Variants in PAAF1 observed in about 807,000 individuals in gnomAD.
PAAF1 encodes proteasomal ATPase associated factor 1.
In PAAF1, 46 loss-of-function variants were observed where a neutral mutation model predicts 52.8. That is an observed-to-expected ratio of 0.87 (90% confidence interval 0.69 to 1.11). The LOEUF is 1.11. PAAF1 is among the 50% of genes most tolerant of loss of function. The pLI, the probability that PAAF1 is intolerant of heterozygous loss-of-function variation, is 0.00. For synonymous variants in PAAF1, 178 were observed against 172.8 expected, an observed-to-expected ratio of 1.03 and a Z score of -0.24; for missense variants, 424 against 477.4, an observed-to-expected ratio of 0.89 and a Z score of 1.04.
intron 6 of PAAF1, among the ~76,000 whole-genome samples, chr11:73,904,196 C>G (rs1949698661): frequency 6.6e-6 from 1 of 151,380 alleles, no homozygotes; most frequent in Non-Finnish European, 1.5e-5. Context: ...AATTAACAAG[C>G]AGAGGTAAGG....
chr11:73,899,013 C>G (rs1949515422), intron 4 of PAAF1, 133 bp from the exon 5 acceptor site: 1 of 639,186 alleles, frequency 1.6e-6, no homozygotes, highest in African/African-American at 1.8e-5. Flanking sequence ...ACATCAAACA[C>G]AAGTCCTTTT....
intron 3 of PAAF1, chr11:73,889,273 T>C (rs1406371163): frequency 1.6e-5 from 21 of 1,285,650 alleles, no homozygotes; most frequent in Non-Finnish European, 2.0e-5. Context: ...AACATTCATT[T>C]GTTTCCTAAC....
chr11:73,908,758 CTTG>C (rs1949846727), intron 6 of PAAF1, among the ~76,000 whole-genome samples: 2 of 151,728 alleles, frequency 1.3e-5, no homozygotes, highest in Non-Finnish European at 1.5e-5. Context: ...CTCCAAAGTT[CTTG>C]TTAAGGTGTC....
At position 73,931,042 on chromosome 11, in the gene PAAF1, T is replaced by C. The variant is rs1950451620; in HGVS notation, c.*3680T>C. The C allele has an allele frequency of 6.6e-6, 1 of 152,140 alleles. No homozygotes were observed. The allele number at this position is 152,140 out of a possible 1,614,324, so 9.4% of individuals were successfully genotyped here. ...TCCATATTGTATTTATAAGTCACAA[T>C]AGGACTTTGTGGCCCATAATTATAA... On this transcript the variant is annotated 3_prime_UTR_variant, in exon 12 of 12. Transcript: ENST00000310571.
chr11:73,893,731 C>CT (rs773387650), intron 4 of PAAF1, among the ~76,000 whole-genome samples: 90 of 108,114 alleles, frequency 8.3e-4, no homozygotes, highest in Non-Finnish European at 1.5e-3. Flanking sequence ...AAGTGAAACT[C>CT]TGTCTCCAAA....
At chr11:73,906,253 TTTTGTTTG>T (rs142630038) in intron 6 of PAAF1, among the ~76,000 whole-genome samples, 1 of 152,004 alleles carries the variant, frequency 6.6e-6, no homozygotes, top group Non-Finnish European at 1.5e-5. Context: ...TTTCGTTTAG[TTTTGTTTG>T]TTTGTTTGTT....
chr11:73,905,320 T>G (rs2135188623), intron 6 of PAAF1, among the ~76,000 whole-genome samples: 1 of 151,946 alleles, frequency 6.6e-6, no homozygotes, highest in East Asian at 1.9e-4. Context: ...GCCTCCTGGG[T>G]TCAAGTGATT....
intron 10 of PAAF1, chr11:73,922,304 G>C: frequency 2.2e-6 from 1 of 464,206 alleles, no homozygotes; most frequent in Non-Finnish European, 4.0e-6. Flanking sequence ...AAAGGCAAAG[G>C]GAGTAAGATT....
Position 73,930,799 on chromosome 11 carries a change from ATG to A in PAAF1, c.*3439_*3440del, listed in dbSNP as rs1391402968. On this transcript the variant is annotated 3_prime_UTR_variant, in exon 12 of 12. Transcript: ENST00000310571. Reference sequence around the variant, plus strand: ...TATATGTATATATATATATTTATATATGTAGAAGCAGTGAGTAGAATGGTGGT... The same window carrying A: ...TATATGTATATATATATATTTATATATAGAAGCAGTGAGTAGAATGGTGGT... 1 of 150,432 alleles carries A rather than the reference ATG, an allele frequency of 6.6e-6. No homozygotes were observed. The highest frequency in any genetic ancestry group is 1.5e-5 in the Non-Finnish European group (1 of 67,724). The allele number at this position is 150,432 out of a possible 1,614,324, so 9.3% of individuals were successfully genotyped here. A position where few individuals can be genotyped will look rare whatever the true frequency, so the allele number is the denominator to read the frequency against.
chr11:73,886,739 T>C (rs1474345192), intron 2 of PAAF1, among the ~76,000 whole-genome samples: 3 of 146,362 alleles, frequency 2.0e-5, no homozygotes, highest in Non-Finnish European at 3.0e-5. Flanking sequence ...CCCTTTCAAA[T>C]TAGAGTTTAG....
At chr11:73,910,428 C>T (rs111278947) in intron 7 of PAAF1, among the ~76,000 whole-genome samples, 3 of 151,938 alleles carry the variant, frequency 2.0e-5, no homozygotes, top group African/African-American at 4.8e-5. Context: ...ATAGCTTGGA[C>T]GTGAAACTAA....
chr11:73,897,586 T>C (rs1262972278), intron 4 of PAAF1, among the ~76,000 whole-genome samples: 2 of 148,628 alleles, frequency 1.3e-5, no homozygotes, highest in Non-Finnish European at 3.0e-5. Flanking sequence ...CCAGATGTGA[T>C]GGCGGCCGGG....
At chr11:73,881,518 G>C (rs1948906450) in intron 2 of PAAF1, among the ~76,000 whole-genome samples, 1 of 152,138 alleles carries the variant, frequency 6.6e-6, no homozygotes, top group South Asian at 2.1e-4. Flanking sequence ...GAACTCCTGA[G>C]CTCAAGTGAT....
At chr11:73,924,198 T>C (rs1020068961) in intron 10 of PAAF1, among the ~76,000 whole-genome samples, 12 of 152,212 alleles carry the variant, frequency 7.9e-5, no homozygotes, top group African/African-American at 2.9e-4. Flanking sequence ...CTCACGCTTG[T>C]AATCCCAGCA....
At chr11:73,878,905 C>A in intron 2 of PAAF1, 86 bp downstream of exon 2, 2 of 1,301,154 alleles carry the variant, frequency 1.5e-6, no homozygotes, top group Admixed American at 1.8e-5. Context: ...TCTCCTGGCC[C>A]AGCCTCCTTA....
chr11:73,922,468 G>A (rs895913817), intron 10 of PAAF1, among the ~76,000 whole-genome samples: 1 of 152,148 alleles, frequency 6.6e-6, no homozygotes, highest in Admixed American at 6.5e-5. Context: ...ATGGGCAAGT[G>A]TAGGCTGTTT....
intron 9 of PAAF1, among the ~76,000 whole-genome samples, chr11:73,917,270 C>T (rs1019057927): frequency 1.3e-5 from 2 of 152,116 alleles, no homozygotes; most frequent in Admixed American, 6.5e-5. Flanking sequence ...CTGCCCGCCT[C>T]AGCCTCCGAA....
chr11:73,910,905 G>A (rs1245874960), intron 7 of PAAF1, among the ~76,000 whole-genome samples: 3 of 150,740 alleles, frequency 2.0e-5, no homozygotes, highest in African/African-American at 4.9e-5. Flanking sequence ...CAGGAGAATC[G>A]TGTGAACCTG....
intron 3 of PAAF1, among the ~76,000 whole-genome samples, chr11:73,890,105 A>G (rs921494828): frequency 1.3e-5 from 2 of 152,224 alleles, no homozygotes; most frequent in African/African-American, 2.4e-5. Flanking sequence ...TTGAAGTACT[A>G]CTGCAGAAGA....
Sources: gnomAD v4.1 joint callset for allele counts (sites outside exome capture counted in the v4.1 genomes callset) on GRCh38, gnomAD v4.1.1 for gene constraint, MANE v1.5 for transcripts, NCBI Gene and HGNC (gene_info 2026-07-23, HGNC 2026-07-21) for gene names.